The following PCNX2 variants were observed in gnomAD, a reference collection of about 807,000 sequenced individuals.
PCNX2 encodes the protein pecanex-like protein 2.
PCNX2 carries 168 observed loss-of-function variants against 223.8 expected under a neutral mutation model. The observed-to-expected ratio is 0.75, with a 90% CI of 0.66 to 0.85. PCNX2 has a LOEUF of 0.85. PCNX2 is among the 40% of genes least tolerant of loss of function. The pLI is 0.00. For synonymous variants in PCNX2, 1,006 were observed against 1,052.6 expected (o/e 0.96, Z 0.86); for missense variants, 2,507 against 2,675.5 (o/e 0.94, Z 1.39).
At position 233,253,648 on chromosome 1, in the gene PCNX2, C is replaced by A. The variant is rs759934260; in HGVS notation, c.1835-860G>T. Among the ~76,000 whole-genome samples, 4 of 152,196 alleles carry A rather than the reference C, an allele frequency of 2.6e-5. No homozygotes were observed. Among genetic ancestry groups the A allele is most frequent in the Non-Finnish European group, 5.9e-5 (4 of 68,028 alleles). On this transcript the variant is annotated intron_variant, in intron 5 of 33. Transcript: ENST00000258229. The surrounding 1 kb of genome is among the most constrained non-coding windows in gnomAD (Gnocchi z 4.2). ...GGCATGAGCCACCACACCCGGCCTGCTGATTTTGAACAATATGCTTAGCAC... is the reference window on the plus strand; with the variant it reads ...GGCATGAGCCACCACACCCGGCCTGATGATTTTGAACAATATGCTTAGCAC...
At chr1:233,270,287 A>G (rs548892937) in intron 1 of PCNX2, among the ~76,000 whole-genome samples, 1 of 152,306 alleles carries the variant, frequency 6.6e-6, no homozygotes, top group South Asian at 2.1e-4. Flanking sequence ...TATTTCTTAC[A>G]TATTTCATGC....
intron 23 of PCNX2, among the ~76,000 whole-genome samples, chr1:233,068,720 T>C (rs1412001123): frequency 2.6e-5 from 4 of 152,026 alleles, no homozygotes; most frequent in Non-Finnish European, 2.9e-5. Flanking sequence ...AAAAATATAT[T>C]ATTTATTTAA....
chr1:233,318,563 C>CTTTTTTTTTTTT, the PCNX2 span, among the ~76,000 whole-genome samples: 100 of 92,484 alleles, frequency 1.1e-3, 1 homozygote, highest in Non-Finnish European at 1.2e-3. Flanking sequence ...TTTTCTTTTT[C>CTTTTTTTTTTTT]TTTTTTTTTT....
chr1:233,192,475 A>G (rs550380916), intron 15 of PCNX2, among the ~76,000 whole-genome samples: 15 of 152,354 alleles, frequency 9.8e-5, no homozygotes, highest in South Asian at 2.1e-4. Context: ...TGAACTGAAC[A>G]GAGACGATGC....
intron 25 of PCNX2, among the ~76,000 whole-genome samples, chr1:233,026,762 G>T (rs971865856): frequency 2.0e-5 from 3 of 152,122 alleles, no homozygotes; most frequent in African/African-American, 7.2e-5. Flanking sequence ...AGGAGAGGAA[G>T]ATTGCAGGAG....
intron 1 of PCNX2, among the ~76,000 whole-genome samples, chr1:233,277,732 T>C (rs748519087): frequency 1.3e-5 from 2 of 151,944 alleles, no homozygotes; most frequent in Non-Finnish European, 2.9e-5. Flanking sequence ...GCATAAGACA[T>C]GGAGGGGAGT....
chr1:233,076,005 T>C (rs998799968), intron 23 of PCNX2, among the ~76,000 whole-genome samples: 8 of 152,136 alleles, frequency 5.3e-5, no homozygotes, highest in Admixed American at 2.6e-4. Context: ...AAAATAGTAA[T>C]AAAAAATCCA....
chr1:233,242,399 C>T (rs6424176), intron 8 of PCNX2, among the ~76,000 whole-genome samples: 1 of 152,094 alleles, frequency 6.6e-6, no homozygotes, highest in African/African-American at 2.4e-5. Context: ...ATTCAGTAGA[C>T]TACCATGCCT....
intron 8 of PCNX2, among the ~76,000 whole-genome samples, chr1:233,248,380 A>G (rs2102982317): frequency 6.6e-6 from 1 of 152,232 alleles, no homozygotes; most frequent in South Asian, 2.1e-4. Context: ...TGGCTCAGTC[A>G]GAACCAATCA....
rs1678622219 is a variant in PCNX2, at chr1:233,163,550, C to T, written c.3274-2187G>A. 3.3e-5 allele frequency among the ~76,000 whole-genome samples: 5 copies of T among 151,492 alleles called. No homozygotes were observed. In the South Asian group the frequency reaches 1.1e-3, roughly 32 times the overall value. Reference sequence around the variant, plus strand: ...TATTTTACATGTATAAATTATATAACATATATATAATTCTGGTTATGGTTT... The same window carrying T: ...TATTTTACATGTATAAATTATATAATATATATATAATTCTGGTTATGGTTT... On this transcript the variant is annotated intron_variant, in intron 17 of 33. Coordinates refer to ENST00000258229, the MANE Select transcript of PCNX2 (RefSeq NM_014801.4).
In PCNX2 at chr1:233,258,806, A is replaced by C. The variant is rs1446255644; in HGVS notation, c.1056T>G (p.Ser352Arg). Reference sequence around the variant, plus strand: ...TATCGATGAGAGTAACAGCTACCTCACTATCTGAGGAGTCCACTTCCTGGT... The same window carrying C: ...TATCGATGAGAGTAACAGCTACCTCCCTATCTGAGGAGTCCACTTCCTGGT... Reference protein sequence around the residue: ...PLHQEVDSSDSEVAVTLIDTS... With the variant: ...PLHQEVDSSDREVAVTLIDTS... Residue 352 changes from serine (S) to arginine (R), a missense_variant, in exon 5 of 34, where the codon AGT becomes AGG. By Grantham distance (110) the Ser-to-Arg change is moderately radical. Around this residue, in one of 3 missense-constraint regions of PCNX2, gnomAD observed 1,031 missense variants for 1,021.7 expected, o/e 1.01. Coordinates refer to ENST00000258229, the MANE Select transcript of PCNX2 (RefSeq NM_014801.4). The C allele has an allele frequency of 2.0e-5, 33 of 1,613,840 alleles. No homozygotes were observed. The highest frequency in any genetic ancestry group is 3.3e-4 in the Middle Eastern group (2 of 6,084).
intron 21 of PCNX2, among the ~76,000 whole-genome samples, chr1:233,118,033 T>C (rs1675528954): frequency 1.3e-5 from 2 of 151,644 alleles, no homozygotes; most frequent in Non-Finnish European, 2.9e-5. Context: ...AGAATAATTA[T>C]AGACCATAAC....
In PCNX2 at chr1:233,154,070, T is replaced by C. The variant is rs528932173; in HGVS notation, c.3517+6213A>G. Among the ~76,000 whole-genome samples, 18 of 152,216 alleles carry C rather than the reference T, an allele frequency of 1.2e-4. No homozygotes were observed. The South Asian group carries it at 3.7e-3, about 32-fold the overall frequency. Reference sequence around the variant, plus strand: ...TAAATAGATGTTTAATTGATGTGTTTTTTTGTTTTGTTTTGTTTTATTTTT... The same window carrying C: ...TAAATAGATGTTTAATTGATGTGTTCTTTTGTTTTGTTTTGTTTTATTTTT... On this transcript the variant is annotated intron_variant, in intron 19 of 33. Coordinates refer to ENST00000258229, the MANE Select transcript of PCNX2 (RefSeq NM_014801.4).
chr1:233,216,928 G>A lies in PCNX2; in HGVS notation c.2691+971C>T, dbSNP rs542643874. Among the ~76,000 whole-genome samples the A allele has an allele frequency of 2.0e-5, 3 of 152,080 alleles. No homozygotes were observed. In the South Asian group the frequency reaches 6.2e-4, roughly 32 times the overall value. On this transcript the variant is annotated intron_variant, in intron 12 of 33. Coordinates refer to ENST00000258229, the MANE Select transcript of PCNX2 (RefSeq NM_014801.4). ...TTGCAACAACACTGATGAATCTAGA[G>A]GACATTATTAGGTTAAGTGAATTAA...
intron 23 of PCNX2, among the ~76,000 whole-genome samples, chr1:233,063,130 G>A (rs781261982): frequency 2.9e-4 from 44 of 152,058 alleles, no homozygotes; most frequent in African/African-American, 9.2e-4. Context: ...CCAGCTACTC[G>A]GAAGGTGGAG....
chr1:233,152,206 C>T (rs1677856768), intron 19 of PCNX2, among the ~76,000 whole-genome samples: 1 of 152,222 alleles, frequency 6.6e-6, no homozygotes, highest in South Asian at 2.1e-4. Flanking sequence ...AGGCTTCCAA[C>T]TGACAGGCTG....
intron 27 of PCNX2, 122 bp downstream of exon 27, chr1:233,016,799 G>T: frequency 6.9e-7 from 1 of 1,447,372 alleles, no homozygotes; most frequent in Non-Finnish European, 9.1e-7. Context: ...TCCAAATAGT[G>T]CTTTTTTTCT....
chr1:233,320,718 C>A, the PCNX2 span, among the ~76,000 whole-genome samples: 513 of 152,178 alleles, frequency 3.4e-3, 2 homozygotes, highest in African/African-American at 0.011. Flanking sequence ...TTGGAGATAC[C>A]AAAATGACAT....
intron 18 of PCNX2, 39 bp from the exon 19 acceptor site, chr1:233,160,472 G>C (rs1678403307): frequency 3.8e-6 from 6 of 1,589,844 alleles, no homozygotes; most frequent in Non-Finnish European, 5.2e-6. Context: ...ACTTAGCCTA[G>C]AGGATGGGGA....
Sources: gnomAD v4.1 joint callset for allele counts (sites outside exome capture counted in the v4.1 genomes callset) on GRCh38, gnomAD v4.1.1 for gene constraint, gnomAD v4.1.1 regional missense constraint, Gnocchi (gnomAD v3.1) non-coding constraint, MANE v1.5 for transcripts, NCBI Gene and HGNC (gene_info 2026-07-23, HGNC 2026-07-21) for gene names.